Variants in FOXP1 observed in about 807,000 individuals in gnomAD.
The protein encoded by FOXP1 is forkhead box P1, also known as forkhead box protein P1.
A neutral mutation model predicts 98.2 loss-of-function variants in FOXP1; 15 were observed. The observed-to-expected ratio is 0.15, with a 90% CI of 0.10 to 0.24. The LOEUF (loss-of-function observed/expected upper bound fraction) is 0.24, where lower values mean the gene tolerates loss of function less well. Ranked by LOEUF, FOXP1 falls within the 10% of genes least tolerant of loss-of-function variation. The probability of loss-of-function intolerance (pLI) is 1.00; values close to 1 mark genes in which losing one functional copy is unlikely to be tolerated. For missense variants in FOXP1, 633 were observed against 848.5 expected (o/e 0.75, Z 3.15); for synonymous variants, 371 against 314.5 (o/e 1.18, Z -1.90).
At chr3:71,204,672 T>A (rs1204847168) in intron 5 of FOXP1, among the ~76,000 whole-genome samples, 1 of 152,010 alleles carries the variant, frequency 6.6e-6, no homozygotes, top group Non-Finnish European at 1.5e-5. Flanking sequence ...ACTTAGTGGT[T>A]AAGGAAGCAG....
At chr3:71,218,103 G>A (rs1226802102) in intron 5 of FOXP1, among the ~76,000 whole-genome samples, 2 of 152,174 alleles carry the variant, frequency 1.3e-5, no homozygotes, top group Non-Finnish European at 2.9e-5. Flanking sequence ...ACTGAATGGG[G>A]AAACTTGCAT....
chr3:71,025,025 C>T lies in FOXP1; in HGVS notation c.870-9372G>A, dbSNP rs529779758. 1.4e-4 allele frequency among the ~76,000 whole-genome samples: 22 copies of T among 152,220 alleles called. No individual in the cohort carries two copies. The South Asian group carries it at 1.5e-3, about 10-fold the overall frequency. On this transcript the variant is annotated intron_variant, in intron 11 of 20. Coordinates refer to ENST00000649528, the MANE Select transcript of FOXP1 (RefSeq NM_001349338.3). ...ATAGTTCTGGACTTATATTCATCTG[C>T]GTTGGATAAAGTTTTTATGAGTACA...
chr3:71,141,457 G>A (rs1243142099), intron 6 of FOXP1, among the ~76,000 whole-genome samples: 1 of 152,068 alleles, frequency 6.6e-6, no homozygotes, highest in East Asian at 1.9e-4. Flanking sequence ...TGTCAATCAG[G>A]TGCTTTTCAA....
At chr3:71,129,452 A>C (rs2107905897) in intron 6 of FOXP1, among the ~76,000 whole-genome samples, 1 of 152,338 alleles carries the variant, frequency 6.6e-6, no homozygotes, top group Middle Eastern at 3.4e-3. Flanking sequence ...ATTCTAATAG[A>C]TGCTGTTTTA....
intron 3 of FOXP1, among the ~76,000 whole-genome samples, chr3:71,390,742 A>G (rs2080969168): frequency 1.3e-5 from 2 of 152,222 alleles, no homozygotes; most frequent in African/African-American, 2.4e-5. Context: ...GACGTGGCCC[A>G]AGTTAAAAAC....
chr3:71,517,103 A>G (rs1053542615), intron 2 of FOXP1, among the ~76,000 whole-genome samples: 9 of 152,234 alleles, frequency 5.9e-5, no homozygotes, highest in African/African-American at 1.9e-4. Flanking sequence ...CCCATACTTT[A>G]ATACAAAGTT....
In FOXP1 at chr3:71,413,753, T is replaced by C. The variant is rs546843824; in HGVS notation, c.-167-54509A>G. On this transcript the variant is annotated intron_variant, in intron 3 of 20. Coordinates refer to ENST00000649528, the MANE Select transcript of FOXP1 (RefSeq NM_001349338.3). The stretch of plus-strand genomic sequence containing the variant: ...GTACGGTATGACCTCATTTTGAAAA[T>C]ATATATACATGGGTGTGTGTGCTTA... Among the ~76,000 whole-genome samples the C allele has an allele frequency of 5.3e-5, 8 of 152,142 alleles. No individual in the cohort carries two copies. The East Asian group carries it at 1.5e-3, about 29-fold the overall frequency.
chr3:71,463,849 G>T (rs1035271946), intron 3 of FOXP1, among the ~76,000 whole-genome samples: 1 of 152,266 alleles, frequency 6.6e-6, no homozygotes. Context: ...TGTAATAACG[G>T]AAGTATGGAT....
At chr3:71,434,235 G>A (rs962224318) in intron 3 of FOXP1, among the ~76,000 whole-genome samples, 1 of 152,138 alleles carries the variant, frequency 6.6e-6, no homozygotes, top group Non-Finnish European at 1.5e-5. Context: ...CCAAGTGAAA[G>A]ATACAGAAAA....
intron 7 of FOXP1, chr3:71,064,891 G>A (rs2052183617): frequency 1.2e-6 from 1 of 831,352 alleles, no homozygotes; most frequent in African/African-American, 1.9e-5. Context: ...GGCCGGGCGT[G>A]GGGTCCGGCG....
At chr3:71,118,989 G>A (rs117998195) in intron 6 of FOXP1, among the ~76,000 whole-genome samples, 1 of 152,228 alleles carries the variant, frequency 6.6e-6, no homozygotes, top group East Asian at 1.9e-4. Context: ...ATCTTAGGTT[G>A]CTATCTGTAG....
At chr3:71,130,517 G>C in intron 6 of FOXP1, 2 of 1,598,376 alleles carry the variant, frequency 1.3e-6, no homozygotes, top group Non-Finnish European at 1.7e-6. Flanking sequence ...GAAGAGTTTG[G>C]CGAAGGGAGC....
At chr3:71,143,207 C>T (rs2060153438) in intron 6 of FOXP1, among the ~76,000 whole-genome samples, 1 of 152,216 alleles carries the variant, frequency 6.6e-6, no homozygotes. Context: ...TCATTTTTAG[C>T]TTCCTTTTCT....
At chr3:71,013,944 C>A (rs2107723208) in intron 12 of FOXP1, among the ~76,000 whole-genome samples, 1 of 152,210 alleles carries the variant, frequency 6.6e-6, no homozygotes, top group East Asian at 1.9e-4. Flanking sequence ...ACTGGCTAGC[C>A]ATATGGAGAA....
intron 2 of FOXP1, among the ~76,000 whole-genome samples, chr3:71,552,850 C>A (rs2045876141): frequency 6.6e-6 from 1 of 151,950 alleles, no homozygotes; most frequent in African/African-American, 2.4e-5. Flanking sequence ...TATTTGAACA[C>A]CAACAATAAT....
chr3:71,176,869 C>T (rs1208771431), intron 6 of FOXP1, among the ~76,000 whole-genome samples: 2 of 151,962 alleles, frequency 1.3e-5, no homozygotes, highest in African/African-American at 2.4e-5. Flanking sequence ...CAAGACCAGC[C>T]TGGCCAACAT....
At chr3:71,418,691 G>A (rs1334566984) in intron 3 of FOXP1, among the ~76,000 whole-genome samples, 1 of 152,062 alleles carries the variant, frequency 6.6e-6, no homozygotes, top group Non-Finnish European at 1.5e-5. Context: ...AAAATTCAAA[G>A]GTAGGATATA....
intron 3 of FOXP1, among the ~76,000 whole-genome samples, chr3:71,466,544 T>C (rs2088761302): frequency 6.6e-6 from 1 of 152,232 alleles, no homozygotes; most frequent in Non-Finnish European, 1.5e-5. Flanking sequence ...GCGTTTATTA[T>C]GCTATGCGAA....
chr3:71,118,666 C>T (rs1048580678), intron 6 of FOXP1, among the ~76,000 whole-genome samples: 6 of 152,070 alleles, frequency 3.9e-5, no homozygotes, highest in Non-Finnish European at 5.9e-5. Flanking sequence ...GGACCAAATT[C>T]GGTCTATCAC....
Sources: allele counts gnomAD v4.1 joint callset (sites outside exome capture counted in the v4.1 genomes callset), GRCh38; gene constraint gnomAD v4.1.1; transcripts MANE v1.5; gene names NCBI Gene and HGNC (gene_info 2026-07-23, HGNC 2026-07-21).